THAP8: variants seen among roughly 807,000 people sequenced by gnomAD.
The protein encoded by THAP8 is THAP domain-containing protein 8.
A neutral mutation model predicts 25.0 loss-of-function variants in THAP8; 24 were observed. The ratio of observed to expected loss-of-function variants is 0.96; its 90% CI spans 0.69 to 1.35. THAP8 has a LOEUF of 1.35. Among genes scored for constraint, THAP8 ranks in the 40% most tolerant of loss-of-function variants. The pLI is 0.00. For synonymous variants in THAP8, 169 were observed against 157.6 expected (o/e 1.07, Z -0.54); for missense variants, 399 against 368.8 (o/e 1.08, Z -0.67).
rs78659992 is a variant in THAP8, at chr19:36,044,067, T to C, written c.84-3931A>G. 7.2e-3 allele frequency among the ~76,000 whole-genome samples: 1,093 copies of C among 152,230 alleles called. 17 individuals are homozygous for C. The highest frequency in any genetic ancestry group is 0.026 in the African/African-American group (1,061 of 41,532). On this transcript the variant is annotated intron_variant, in intron 1 of 3. Coordinates refer to ENST00000292894, the MANE Select transcript of THAP8 (RefSeq NM_152658.3). The stretch of plus-strand genomic sequence containing the variant: ...TGGTAATCCACTCTCTATTTAGACC[T>C]GGGCTCAAGGCTACCCATAATAAAG...
intron 1 of THAP8, among the ~76,000 whole-genome samples, chr19:36,052,748 C>T (rs1970090930): frequency 6.6e-6 from 1 of 152,186 alleles, no homozygotes; most frequent in African/African-American, 2.4e-5. Context: ...TTTTCTGTGT[C>T]AAAGTGACTT....
chr19:36,051,451 T>TAA (rs1970052511), intron 1 of THAP8, among the ~76,000 whole-genome samples: 1 of 151,644 alleles, frequency 6.6e-6, no homozygotes, highest in Non-Finnish European at 1.5e-5. Context: ...GTTCACAGGC[T>TAA]CCCTCTGGCT....
chr19:36,054,373 C>T (rs1449633035), upstream of THAP8: 2 of 859,724 alleles, frequency 2.3e-6, no homozygotes, highest in Non-Finnish European at 3.6e-6. Flanking sequence ...AGAGCGCCTG[C>T]CTACTAGGCG....
upstream of THAP8, chr19:36,054,524 G>C (rs116402611): frequency 1.8e-6 from 1 of 564,696 alleles, no homozygotes; most frequent in Admixed American, 3.1e-5. Context: ...CGGCGTTTCT[G>C]AGCCTGCGCC....
intron 1 of THAP8, among the ~76,000 whole-genome samples, chr19:36,048,846 AAAAAAAAAAAC>A: frequency 8.0e-6 from 1 of 124,506 alleles, no homozygotes; most frequent in African/African-American, 3.0e-5. Flanking sequence ...TTCTTTAAAA[AAAAAAAAAAAC>A]AAAAAAACAA....
rs772358058 is a variant in THAP8 at position 36,039,407 on chromosome 19, C to A, written c.588G>T (p.Ala196=). 2.6e-6 allele frequency: 4 copies of A among 1,555,420 alleles called. No individual in the cohort carries two copies. Among genetic ancestry groups the A allele is most frequent in the Non-Finnish European group, 3.5e-6 (4 of 1,152,404 alleles). ...RLQRCQERHQ[A]QLQALERLAQ... ...CCAGCCGTTCCAGGGCCTGCAGCTGCGCCTGGTGCCGCTCCTGGCACCGTT... is the reference window on the plus strand; with the variant it reads ...CCAGCCGTTCCAGGGCCTGCAGCTGAGCCTGGTGCCGCTCCTGGCACCGTT... The change falls in exon 3 of 4, where the codon GCG becomes GCT. Residue 196 remains alanine, a synonymous_variant. Coordinates refer to ENST00000292894, the MANE Select transcript of THAP8 (RefSeq NM_152658.3).
intron 1 of THAP8, among the ~76,000 whole-genome samples, chr19:36,046,558 C>T (rs1425119172): frequency 6.6e-6 from 1 of 152,144 alleles, no homozygotes; most frequent in Non-Finnish European, 1.5e-5. Context: ...CAGAGAACAG[C>T]AGTGGCACCC....
intron 1 of THAP8, among the ~76,000 whole-genome samples, chr19:36,042,221 T>C (rs1021226302): frequency 2.6e-5 from 4 of 152,152 alleles, no homozygotes; most frequent in Non-Finnish European, 2.9e-5. Context: ...AATATGGCAG[T>C]TCCTCAAACA....
chr19:36,048,861 A>C (rs1021280217), intron 1 of THAP8, among the ~76,000 whole-genome samples: 7 of 148,382 alleles, frequency 4.7e-5, no homozygotes, highest in Admixed American at 1.4e-4. Context: ...AAAAAACAAA[A>C]AAACAAAAAA....
chr19:36,044,713 G>A (rs1301395539), intron 1 of THAP8, among the ~76,000 whole-genome samples: 1 of 152,150 alleles, frequency 6.6e-6, no homozygotes, highest in African/African-American at 2.4e-5. Flanking sequence ...GACTGGTCTT[G>A]AACTCCTGGG....
rs550591267 is a variant in THAP8 at position 36,035,696 on chromosome 19, G to A, written c.673-104C>T. Reference sequence around the variant, plus strand: ...AGGGAGGCAAAGGTGGCAGGAGGGCGTGTCAGGAAACAGAGAGAGATGTGG... The same window carrying A: ...AGGGAGGCAAAGGTGGCAGGAGGGCATGTCAGGAAACAGAGAGAGATGTGG... On this transcript the variant is annotated intron_variant, in intron 3 of 3. Coordinates refer to ENST00000292894, the MANE Select transcript of THAP8 (RefSeq NM_152658.3). 6.3e-4 allele frequency: 854 copies of A among 1,348,560 alleles called. 7 individuals carry two copies. In the South Asian group the frequency reaches 0.01, roughly 16 times the overall value. 83.5% of individuals were successfully genotyped at this position (1,348,560 alleles called of 1,614,324 possible). A position where few individuals can be genotyped will look rare whatever the true frequency, so the allele number is the denominator to read the frequency against.
chr19:36,051,083 G>A (rs1368700377), intron 1 of THAP8, among the ~76,000 whole-genome samples: 1 of 147,828 alleles, frequency 6.8e-6, no homozygotes, highest in African/African-American at 2.6e-5. Flanking sequence ...ACAGTGATGT[G>A]TTAAAGAGAA....
chr19:36,049,753 G>A (rs1186247509), intron 1 of THAP8, among the ~76,000 whole-genome samples: 1 of 152,196 alleles, frequency 6.6e-6, no homozygotes, highest in Non-Finnish European at 1.5e-5. Flanking sequence ...TGTTATGAGA[G>A]AGGTAAGAGT....
intron 1 of THAP8, among the ~76,000 whole-genome samples, chr19:36,042,702 A>G (rs1476052978): frequency 1.3e-5 from 2 of 152,244 alleles, no homozygotes; most frequent in Admixed American, 6.5e-5. Context: ...AGTGTCTATC[A>G]ACAGATACAT....
rs1161683663 is a variant in THAP8 at position 36,039,732 on chromosome 19, C to A, written c.277-14G>T. ...CCTCCGCTGACTCTGGAAGACAAGG[C>A]ATGGGGTGCAGGGGTGCCGTGGTCA... On this transcript the variant is annotated splice_polypyrimidine_tract_variant and intron_variant, in intron 2 of 3. Coordinates refer to ENST00000292894, the MANE Select transcript of THAP8 (RefSeq NM_152658.3). 1 of 1,506,268 alleles carries A rather than the reference C, an allele frequency of 6.6e-7. No individual in the cohort carries two copies. Among genetic ancestry groups the A allele is most frequent in the South Asian group, 1.3e-5 (1 of 75,596 alleles). The allele number at this position is 1,506,268 out of a possible 1,614,324, so 93.3% of individuals were successfully genotyped here.
intron 1 of THAP8, among the ~76,000 whole-genome samples, chr19:36,052,444 C>G (rs974089800): frequency 6.6e-6 from 1 of 152,190 alleles, no homozygotes; most frequent in Non-Finnish European, 1.5e-5. Flanking sequence ...AACTGTCTTC[C>G]ACAAAACCAG....
intron 1 of THAP8, among the ~76,000 whole-genome samples, chr19:36,051,908 G>C (rs1018222565): frequency 2.0e-5 from 3 of 152,100 alleles, no homozygotes; most frequent in African/African-American, 7.2e-5. Flanking sequence ...CCCACTGCTC[G>C]CATTACCACC....
intron 1 of THAP8, among the ~76,000 whole-genome samples, chr19:36,046,465 G>A (rs1286108820): frequency 6.6e-6 from 1 of 152,158 alleles, no homozygotes; most frequent in Non-Finnish European, 1.5e-5. Context: ...GAACGGAGAT[G>A]GGGAGAGCCA....
At position 36,035,610 on chromosome 19, in the gene THAP8, T is replaced by C; in HGVS notation, c.673-18A>G. On this transcript the variant is annotated intron_variant, in intron 3 of 3. Coordinates refer to ENST00000292894, the MANE Select transcript of THAP8 (RefSeq NM_152658.3). ...GCTGTTGTCTAAGGCAAAGAAGTGG[T>C]AGAGATGGGGAACATTACGAAGCAA... The C allele has an allele frequency of 1.9e-6, 3 of 1,606,766 alleles. No homozygotes were observed. The highest frequency in any genetic ancestry group is 1.1e-5 in the South Asian group (1 of 90,686).
Sources: gnomAD v4.1 joint callset for allele counts (sites outside exome capture counted in the v4.1 genomes callset) on GRCh38, gnomAD v4.1.1 for gene constraint, MANE v1.5 for transcripts, NCBI Gene and HGNC (gene_info 2026-07-23, HGNC 2026-07-21) for gene names.